THEMIS: variants seen among roughly 807,000 people sequenced by gnomAD.
The protein encoded by THEMIS is protein THEMIS.
THEMIS carries 37 observed loss-of-function variants against 52.6 expected under a neutral mutation model. The observed-to-expected ratio is 0.70, with a 90% CI of 0.54 to 0.93. The LOEUF is 0.93. Ranked by LOEUF, THEMIS falls within the 40% of genes least tolerant of loss-of-function variation. The probability of loss-of-function intolerance (pLI) is 0.00; values close to 1 mark genes in which losing one functional copy is unlikely to be tolerated. For missense variants in THEMIS, 808 were observed against 763.1 expected, an observed-to-expected ratio of 1.06 and a Z score of -0.69; for synonymous variants, 292 against 272.7, an observed-to-expected ratio of 1.07 and a Z score of -0.70.
intron 4 of THEMIS, among the ~76,000 whole-genome samples, chr6:127,761,927 G>C (rs980985901): frequency 6.6e-6 from 1 of 151,974 alleles, no homozygotes; most frequent in East Asian, 1.9e-4. Flanking sequence ...AACTGAAATC[G>C]GTATCTCAAA....
intron 2 of THEMIS, among the ~76,000 whole-genome samples, chr6:127,839,462 G>C (rs151037035): frequency 6.6e-6 from 1 of 151,922 alleles, no homozygotes; most frequent in Non-Finnish European, 1.5e-5. Context: ...CTGTTTTACA[G>C]GGTAATGTTA....
At chr6:127,771,007 G>T (rs985461016) in intron 4 of THEMIS, among the ~76,000 whole-genome samples, 2 of 152,110 alleles carry the variant, frequency 1.3e-5, no homozygotes, top group Non-Finnish European at 2.9e-5. Flanking sequence ...TGACATGATT[G>T]TATATTTAGA....
At chr6:127,700,925 C>T in the THEMIS span, among the ~76,000 whole-genome samples, 1 of 152,002 alleles carries the variant, frequency 6.6e-6, no homozygotes, top group African/African-American at 2.4e-5. Flanking sequence ...GTCCGTTAGG[C>T]TCTCATCCCC....
intron 4 of THEMIS, among the ~76,000 whole-genome samples, chr6:127,755,844 T>TACA (rs1775804244): frequency 6.6e-6 from 1 of 151,930 alleles, no homozygotes; most frequent in South Asian, 2.1e-4. Context: ...CTGGCCAAAA[T>TACA]GGAGAAACCC....
At chr6:127,877,887 A>C (rs1326747167) in intron 1 of THEMIS, among the ~76,000 whole-genome samples, 4 of 152,174 alleles carry the variant, frequency 2.6e-5, no homozygotes, top group Non-Finnish European at 5.9e-5. Flanking sequence ...TGAAGCACAA[A>C]AAAAAATGAA....
intron 4 of THEMIS, among the ~76,000 whole-genome samples, chr6:127,804,415 C>T (rs1777633776): frequency 6.6e-6 from 1 of 152,072 alleles, no homozygotes; most frequent in Non-Finnish European, 1.5e-5. Context: ...ACCTTATCTG[C>T]AAAATAGAGA....
At chr6:127,862,420 G>C (rs1036634717) in intron 1 of THEMIS, among the ~76,000 whole-genome samples, 3 of 84,564 alleles carry the variant, frequency 3.5e-5, no homozygotes, top group African/African-American at 1.1e-4. Context: ...AAATCTCCTA[G>C]GGAGTAAATT....
intron 1 of THEMIS, among the ~76,000 whole-genome samples, chr6:127,918,109 C>T (rs964170251): frequency 6.6e-6 from 1 of 152,104 alleles, no homozygotes; most frequent in Non-Finnish European, 1.5e-5. Context: ...TTGGATAGGT[C>T]CTAATCCCAG....
chr6:127,880,534 A>G (rs1780450047), intron 1 of THEMIS, among the ~76,000 whole-genome samples: 1 of 150,876 alleles, frequency 6.6e-6, no homozygotes, highest in Non-Finnish European at 1.5e-5. Context: ...ACTTTTTTGA[A>G]TATGTTTTAA....
chr6:127,815,143 C>T (rs565613341), intron 3 of THEMIS, among the ~76,000 whole-genome samples: 3 of 151,760 alleles, frequency 2.0e-5, no homozygotes, highest in South Asian at 4.2e-4. Context: ...CAGAGTGAGA[C>T]CCTGTCTCAA....
intron 4 of THEMIS, among the ~76,000 whole-genome samples, chr6:127,752,892 T>C (rs769458845): frequency 2.6e-5 from 4 of 151,880 alleles, no homozygotes; most frequent in Non-Finnish European, 4.4e-5. Flanking sequence ...CACAGGCCAA[T>C]ATACCTGATA....
intron 4 of THEMIS, among the ~76,000 whole-genome samples, chr6:127,769,697 G>A (rs1036193099): frequency 1.3e-5 from 2 of 152,208 alleles, no homozygotes; most frequent in East Asian, 1.9e-4. Context: ...TGTTACATAT[G>A]TATACATGTG....
chr6:127,699,554 A>G, the THEMIS span, among the ~76,000 whole-genome samples: 1 of 151,132 alleles, frequency 6.6e-6, no homozygotes, highest in Non-Finnish European at 1.5e-5. Flanking sequence ...AAAAAGTGCC[A>G]CCATATTACA....
chr6:127,737,360 T>C (rs1775044554), intron 4 of THEMIS, among the ~76,000 whole-genome samples: 1 of 152,202 alleles, frequency 6.6e-6, no homozygotes, highest in African/African-American at 2.4e-5. Context: ...CAGGCTTAAG[T>C]TGAGCCTCTC....
chr6:127,858,813 A>G (rs58204164), intron 1 of THEMIS, among the ~76,000 whole-genome samples: 2,316 of 152,234 alleles, frequency 0.015, 52 homozygotes, highest in African/African-American at 0.053. Context: ...AAGCATATGT[A>G]TTCAGAATAA....
At chr6:127,781,568 G>A (rs1413010860) in intron 4 of THEMIS, among the ~76,000 whole-genome samples, 1 of 151,946 alleles carries the variant, frequency 6.6e-6, no homozygotes, top group African/African-American at 2.4e-5. Context: ...CTTTGGATGG[G>A]GTTTCTGTGT....
chr6:127,707,053 C>G (rs2063547011), downstream of THEMIS, among the ~76,000 whole-genome samples: 2 of 152,216 alleles, frequency 1.3e-5, no homozygotes, highest in South Asian at 2.1e-4. Flanking sequence ...TCCTTCTTCA[C>G]ATGGTGGCAG....
chr6:127,849,727 T>A (rs1779354545), intron 2 of THEMIS, among the ~76,000 whole-genome samples: 1 of 152,010 alleles, frequency 6.6e-6, no homozygotes, highest in Non-Finnish European at 1.5e-5. Context: ...ATTTCTCATG[T>A]TATACAAAAA....
At chr6:127,829,334 T>C (rs1778613873) in intron 3 of THEMIS, 142 bp downstream of exon 3, 1 of 656,564 alleles carries the variant, frequency 1.5e-6, no homozygotes, top group East Asian at 2.7e-5. Context: ...ATGGTTTGCT[T>C]ATTGATTGAT....
Sources: gnomAD v4.1 joint callset for allele counts (sites outside exome capture counted in the v4.1 genomes callset) on GRCh38, gnomAD v4.1.1 for gene constraint, MANE v1.5 for transcripts, NCBI Gene and HGNC (gene_info 2026-07-23, HGNC 2026-07-21) for gene names.